Variants in ZNF704 observed in about 807,000 individuals in gnomAD.
The protein encoded by ZNF704 is glucocorticoid induced gene 1.
Under a neutral mutation model 44.7 loss-of-function variants are expected in ZNF704, and 10 were observed. The ratio of observed to expected loss-of-function variants is 0.22; its 90% CI spans 0.14 to 0.38. The LOEUF is 0.38. ZNF704 is among the 10% of genes least tolerant of loss of function. The probability of loss-of-function intolerance (pLI) is 1.00; values close to 1 mark genes in which losing one functional copy is unlikely to be tolerated. For synonymous variants in ZNF704, 211 were observed against 207.6 expected, an observed-to-expected ratio of 1.02 and a Z score of -0.14; for missense variants, 390 against 545.5, an observed-to-expected ratio of 0.71 and a Z score of 2.84.
At chr8:80,781,785 C>A (rs1807527497) in intron 2 of ZNF704, among the ~76,000 whole-genome samples, 1 of 152,168 alleles carries the variant, frequency 6.6e-6, no homozygotes, top group African/African-American at 2.4e-5. Flanking sequence ...TAAAAATAAA[C>A]TGAGGGCCAT....
chr8:80,727,291 A>G (rs955015100), intron 2 of ZNF704, among the ~76,000 whole-genome samples: 3 of 152,166 alleles, frequency 2.0e-5, no homozygotes, highest in Non-Finnish European at 4.4e-5. Flanking sequence ...CAGACCCAGC[A>G]TCGGTTCAGT....
intron 1 of ZNF704, among the ~76,000 whole-genome samples, chr8:80,838,800 C>T (rs1013116922): frequency 6.8e-6 from 1 of 148,050 alleles, no homozygotes; most frequent in Non-Finnish European, 1.5e-5. Context: ...GGAGCAGACC[C>T]TGGAGGAGAA....
At chr8:80,687,484 G>A (rs778328909) in intron 3 of ZNF704, 26 bp from the exon 4 acceptor site, 23 of 1,475,732 alleles carry the variant, frequency 1.6e-5, no homozygotes, top group Middle Eastern at 2.1e-4. Flanking sequence ...CACAGTCAGT[G>A]CCAGGACCCC....
At chr8:80,647,566 C>A (rs1164386375) in intron 7 of ZNF704, among the ~76,000 whole-genome samples, 1 of 152,166 alleles carries the variant, frequency 6.6e-6, no homozygotes, top group Non-Finnish European at 1.5e-5. Flanking sequence ...GAGGCTTTTG[C>A]AGTATACCAG....
chr8:80,738,146 A>G (rs1391043846), intron 2 of ZNF704, among the ~76,000 whole-genome samples: 1 of 152,188 alleles, frequency 6.6e-6, no homozygotes, highest in Non-Finnish European at 1.5e-5. Flanking sequence ...TGCCCTTTTC[A>G]TCATACCATT....
At chr8:80,760,233 T>C (rs1043900684) in intron 2 of ZNF704, among the ~76,000 whole-genome samples, 2 of 152,218 alleles carry the variant, frequency 1.3e-5, no homozygotes, top group African/African-American at 4.8e-5. Flanking sequence ...CTTGGTACTA[T>C]GTTTTGAATG....
intron 1 of ZNF704, among the ~76,000 whole-genome samples, chr8:80,868,611 T>C (rs535026067): frequency 6.6e-6 from 1 of 152,368 alleles, no homozygotes; most frequent in African/African-American, 2.4e-5. Context: ...TCCCAAGTCA[T>C]AAATTTTTGT....
intron 1 of ZNF704, among the ~76,000 whole-genome samples, chr8:80,825,489 A>C (rs1808355523): frequency 2.6e-5 from 4 of 152,114 alleles, no homozygotes; most frequent in Admixed American, 2.0e-4. Flanking sequence ...AGACTTTAAC[A>C]CCCCACTGTC....
chr8:80,712,870 G>GT (rs113759041), intron 2 of ZNF704, among the ~76,000 whole-genome samples: 25,605 of 151,570 alleles, frequency 0.17, 4,328 homozygotes, highest in African/African-American at 0.44. Context: ...TGAAGTAGGG[G>GT]TTTTTTTGTT....
chr8:80,766,833 C>T (rs1479911868), intron 2 of ZNF704, among the ~76,000 whole-genome samples: 1 of 152,136 alleles, frequency 6.6e-6, no homozygotes. Flanking sequence ...CTGCCTCAGC[C>T]TCCGGAGTAG....
At chr8:80,645,998 G>T (rs1257558334) in intron 7 of ZNF704, among the ~76,000 whole-genome samples, 1 of 152,198 alleles carries the variant, frequency 6.6e-6, no homozygotes, top group Non-Finnish European at 1.5e-5. Flanking sequence ...GCAAGGGCCA[G>T]TTTGGCCCCC....
At chr8:80,823,792 T>C (rs550711262) in intron 1 of ZNF704, among the ~76,000 whole-genome samples, 1 of 152,314 alleles carries the variant, frequency 6.6e-6, no homozygotes, top group Non-Finnish European at 1.5e-5. Context: ...CCTCCGCTGG[T>C]GATACCCAGG....
intron 3 of ZNF704, among the ~76,000 whole-genome samples, chr8:80,690,981 C>G (rs1312043600): frequency 6.6e-6 from 1 of 151,468 alleles, no homozygotes; most frequent in Non-Finnish European, 1.5e-5. Context: ...TGCACTCCAG[C>G]CTGGGTGACA....
At chr8:80,770,083 G>C (rs1177265754) in intron 2 of ZNF704, among the ~76,000 whole-genome samples, 1 of 152,128 alleles carries the variant, frequency 6.6e-6, no homozygotes, top group African/African-American at 2.4e-5. Context: ...TCACCATCAT[G>C]AGAACAGCAC....
intron 1 of ZNF704, among the ~76,000 whole-genome samples, chr8:80,873,046 T>C (rs887342941): frequency 1.3e-5 from 2 of 152,112 alleles, no homozygotes; most frequent in African/African-American, 2.4e-5. Context: ...TCATCGACAA[T>C]TGTTCTTGGT....
chr8:80,702,445 C>G (rs1818824884), intron 2 of ZNF704, among the ~76,000 whole-genome samples: 1 of 152,126 alleles, frequency 6.6e-6, no homozygotes, highest in Admixed American at 6.6e-5. Context: ...GAGAGGGGGT[C>G]TGATGGCTGT....
At position 80,659,582 on chromosome 8, in the gene ZNF704, T is replaced by TA. The variant is rs1818067279; in HGVS notation, c.1032+2dup. ...TTTTTGGCTTTTTCGTTTTTCTACT[T>TA]ACTGGGATGCCTGTGAAAGTGACCG... is the stretch of plus-strand genomic sequence containing the variant. On this transcript the variant is annotated splice_region_variant and intron_variant, in intron 7 of 8. Coordinates refer to ENST00000327835, the MANE Select transcript of ZNF704 (RefSeq NM_001033723.3). 6.2e-7 allele frequency: 1 copy of TA among 1,613,698 alleles called. No homozygotes were observed. Among genetic ancestry groups the TA allele is most frequent in the Non-Finnish European group, 8.5e-7 (1 of 1,179,754 alleles).
chr8:80,645,531 T>C (rs1247267868), intron 7 of ZNF704, among the ~76,000 whole-genome samples: 1 of 152,156 alleles, frequency 6.6e-6, no homozygotes, highest in Non-Finnish European at 1.5e-5. Flanking sequence ...ATTATGGGGA[T>C]GGATCCCTCA....
At chr8:80,736,223 T>C (rs1806662959) in intron 2 of ZNF704, among the ~76,000 whole-genome samples, 1 of 152,238 alleles carries the variant, frequency 6.6e-6, no homozygotes, top group Non-Finnish European at 1.5e-5. Flanking sequence ...TCAAGAAATA[T>C]AACTTTCTAC....
Sources: allele counts gnomAD v4.1 joint callset (sites outside exome capture counted in the v4.1 genomes callset), GRCh38; gene constraint gnomAD v4.1.1; transcripts MANE v1.5; gene names NCBI Gene and HGNC (gene_info 2026-07-23, HGNC 2026-07-21).